INPP4B: variants seen among roughly 807,000 people sequenced by gnomAD.
INPP4B encodes the protein inositol polyphosphate 4-phosphatase type II.
In INPP4B, 55 loss-of-function variants were observed where a neutral mutation model predicts 122.5. The observed-to-expected ratio is 0.45, with a 90% CI of 0.36 to 0.56. INPP4B has a LOEUF of 0.56. Ranked by LOEUF, INPP4B falls within the 20% of genes least tolerant of loss-of-function variation. The pLI, the probability that INPP4B is intolerant of heterozygous loss-of-function variation, is 0.00. For missense variants in INPP4B, 1,000 were observed against 1,097.7 expected, an observed-to-expected ratio of 0.91 and a Z score of 1.26; for synonymous variants, 403 against 388.7, an observed-to-expected ratio of 1.04 and a Z score of -0.43.
intron 11 of INPP4B, among the ~76,000 whole-genome samples, chr4:142,240,403 T>G (rs1282343261): frequency 1.3e-5 from 2 of 152,090 alleles, no homozygotes; most frequent in Non-Finnish European, 2.9e-5. Flanking sequence ...TTGAAATAGA[T>G]TAAACAGAAA....
chr4:142,284,624 A>G (rs1293406907), intron 9 of INPP4B, among the ~76,000 whole-genome samples: 1 of 152,058 alleles, frequency 6.6e-6, no homozygotes, highest in African/African-American at 2.4e-5. Flanking sequence ...GGAAGAGGAG[A>G]GATATTTTAG....
At chr4:142,452,191 A>G (rs528256413) in intron 3 of INPP4B, among the ~76,000 whole-genome samples, 1 of 152,252 alleles carries the variant, frequency 6.6e-6, no homozygotes, top group African/African-American at 2.4e-5. Flanking sequence ...GCTCAGAATG[A>G]TGGTTTCCAG....
intron 7 of INPP4B, among the ~76,000 whole-genome samples, chr4:142,400,990 T>C (rs747603287): frequency 1.3e-5 from 2 of 152,206 alleles, no homozygotes; most frequent in African/African-American, 2.4e-5. Flanking sequence ...GGCAACATTT[T>C]CACTTCTGTA....
intron 5 of INPP4B, among the ~76,000 whole-genome samples, chr4:142,413,583 G>A (rs1805059148): frequency 6.6e-6 from 1 of 152,112 alleles, no homozygotes; most frequent in Non-Finnish European, 1.5e-5. Context: ...GGTGAGGTGT[G>A]GCAGGAAGCA....
At chr4:142,037,714 A>G (rs1371979473) in intron 25 of INPP4B, among the ~76,000 whole-genome samples, 2 of 152,118 alleles carry the variant, frequency 1.3e-5, no homozygotes, top group Non-Finnish European at 2.9e-5. Flanking sequence ...CTCAACATTC[A>G]TCTGATGGAT....
rs1204580183 is a variant in INPP4B, at chr4:142,193,172, C to T, written c.1096G>A (p.Val366Met). 2.5e-6 allele frequency: 4 copies of T among 1,610,966 alleles called. No homozygotes were observed. In the African/African-American group the frequency reaches 4.0e-5, roughly 16 times the overall value. Residue 366 changes from valine (V) to methionine (M), a missense_variant, in exon 15 of 26, where the codon GTG becomes ATG. Coordinates refer to ENST00000262992, the MANE Select transcript of INPP4B (RefSeq NM_001101669.3). ...TGAAAATGGGCAGCTGGGGCTCCCA[C>T]AGTGATGACATCGTAGAGAGCATCT... ...LKDALYDVIT[V>M]GAPAAHFQGF...
intron 16 of INPP4B, among the ~76,000 whole-genome samples, chr4:142,161,543 AC>A (rs990959135): frequency 4.6e-5 from 7 of 151,736 alleles, no homozygotes; most frequent in Non-Finnish European, 2.9e-5. Flanking sequence ...TTAATGAGAC[AC>A]TCTTGATAAT....
chr4:142,715,334 G>C (rs957727246), intron 2 of INPP4B, among the ~76,000 whole-genome samples: 8 of 152,176 alleles, frequency 5.3e-5, no homozygotes, highest in African/African-American at 1.9e-4. Context: ...TGTTGCTAGT[G>C]TAAAGAAATT....
chr4:142,722,053 G>C (rs1560998528), intron 2 of INPP4B, among the ~76,000 whole-genome samples: 3 of 151,828 alleles, frequency 2.0e-5, no homozygotes, highest in African/African-American at 4.8e-5. Flanking sequence ...TTATATTGAA[G>C]AAAAAAATCC....
chr4:142,044,838 A>C (rs539667502), intron 25 of INPP4B, among the ~76,000 whole-genome samples: 97 of 152,286 alleles, frequency 6.4e-4, no homozygotes, highest in South Asian at 6.0e-3. Context: ...TGATTATCAA[A>C]AAGTCCTTAG....
At chr4:142,707,623 C>A (rs1263529730) in intron 2 of INPP4B, among the ~76,000 whole-genome samples, 2 of 152,236 alleles carry the variant, frequency 1.3e-5, no homozygotes, top group Non-Finnish European at 2.9e-5. Context: ...TTCCTCTTGG[C>A]CTTCTGCCAT....
intron 1 of INPP4B, among the ~76,000 whole-genome samples, chr4:142,742,726 A>G (rs1326897486): frequency 1.3e-5 from 2 of 152,152 alleles, no homozygotes; most frequent in African/African-American, 4.8e-5. Flanking sequence ...AGAATCTCAG[A>G]TAAGTATGAG....
chr4:142,492,102 T>G (rs1440280337), intron 2 of INPP4B, among the ~76,000 whole-genome samples: 1 of 152,074 alleles, frequency 6.6e-6, no homozygotes, highest in Non-Finnish European at 1.5e-5. Flanking sequence ...AAAGGGCTTT[T>G]CACCCTTTGC....
At chr4:142,280,420 A>C (rs1291536462) in intron 9 of INPP4B, among the ~76,000 whole-genome samples, 3 of 151,974 alleles carry the variant, frequency 2.0e-5, no homozygotes, top group Non-Finnish European at 2.9e-5. Context: ...ATTGGACTGA[A>C]TGAATGAAGT....
At chr4:142,810,418 G>T (rs1387567501) in intron 1 of INPP4B, among the ~76,000 whole-genome samples, 1 of 151,994 alleles carries the variant, frequency 6.6e-6, no homozygotes, top group South Asian at 2.1e-4. Context: ...TGTTCCTGTG[G>T]TATCAGCATT....
chr4:142,291,891 G>A (rs1477688303), intron 9 of INPP4B, among the ~76,000 whole-genome samples: 2 of 152,060 alleles, frequency 1.3e-5, no homozygotes, highest in African/African-American at 2.4e-5. Context: ...ATAATTTAAA[G>A]GCATTACAAA....
intron 25 of INPP4B, among the ~76,000 whole-genome samples, chr4:142,076,885 A>T (rs1164977037): frequency 2.6e-5 from 4 of 152,098 alleles, no homozygotes; most frequent in Non-Finnish European, 5.9e-5. Context: ...AAAGAAAAAA[A>T]TAAGCTCAAG....
At chr4:142,477,103 T>G (rs543095645) in intron 2 of INPP4B, among the ~76,000 whole-genome samples, 1 of 152,150 alleles carries the variant, frequency 6.6e-6, no homozygotes, top group Non-Finnish European at 1.5e-5. Context: ...CACACTCTTG[T>G]ACCACTGCAC....
At chr4:142,525,269 C>T (rs369411867) in intron 2 of INPP4B, among the ~76,000 whole-genome samples, 2 of 151,692 alleles carry the variant, frequency 1.3e-5, no homozygotes, top group Non-Finnish European at 2.9e-5. Flanking sequence ...ACATTCCATG[C>T]TCATGGGTAG....
Sources: gnomAD v4.1 joint callset for allele counts (sites outside exome capture counted in the v4.1 genomes callset) on GRCh38, gnomAD v4.1.1 for gene constraint, MANE v1.5 for transcripts, NCBI Gene and HGNC (gene_info 2026-07-23, HGNC 2026-07-21) for gene names.